The following MAGEB10 variants were observed in gnomAD, a reference collection of about 807,000 sequenced individuals.
The protein encoded by MAGEB10 is MAGE family member B10.
For missense variants in MAGEB10, 190 were observed against 261.9 expected, an observed-to-expected ratio of 0.73 and a Z score of 1.89; for synonymous variants, 99 against 101.0, an observed-to-expected ratio of 0.98 and a Z score of 0.12.
chrX:27,810,128 C>G (rs911938518), intron 1 of MAGEB10, among the ~76,000 whole-genome samples: 1 of 111,473 alleles, frequency 9.0e-6, no homozygotes, highest in African/African-American at 3.3e-5. Context: ...CCCGAGCCAG[C>G]CTTGGCAACC....
At chrX:27,812,383 T>C in intron 1 of MAGEB10, 1 of 133,749 alleles carries the variant, frequency 7.5e-6, no homozygotes, top group Non-Finnish European at 1.5e-5. Flanking sequence ...GGCCTTGACG[T>C]GAGAGAAGTG....
chrX:27,822,666 G>T lies in MAGEB10; in HGVS notation c.*316G>T. 1 of 253,369 alleles carries T rather than the reference G, an allele frequency of 3.9e-6. No homozygotes were observed. The highest frequency in any genetic ancestry group is 7.3e-6 in the Non-Finnish European group (1 of 136,477). The allele number at this position is 253,369 out of a possible 1,213,427, so 20.9% of individuals were successfully genotyped here. ...ACACGATAGCATGGTAGTAAATTAG[G>T]CATTTCCTAATTCAATGTGAAATAA... is the stretch of plus-strand genomic sequence containing the variant. On this transcript the variant is annotated 3_prime_UTR_variant, in exon 3 of 3. Coordinates refer to ENST00000356790, the MANE Select transcript of MAGEB10 (RefSeq NM_182506.3).
chrX:27,822,007 A>T lies in MAGEB10; in HGVS notation c.701A>T (p.Asp234Val), dbSNP rs202062568. The T allele has an allele frequency of 2.7e-5, 33 of 1,210,124 alleles. No homozygotes were observed. The Admixed American group carries it at 6.8e-4, about 25-fold the overall frequency. Residue 234 changes from aspartate (D) to valine (V), a missense_variant, in exon 3 of 3, where the codon GAC becomes GTC. Transcript: ENST00000356790. ...WKVFNTMGLYDGIEHFMFGEP... is the reference protein window; with the variant it reads ...WKVFNTMGLYVGIEHFMFGEP... ...GTGTTTAACACGATGGGGTTATATG[A>T]CGGAATTGAGCACTTCATGTTTGGG...
intron 2 of MAGEB10, among the ~76,000 whole-genome samples, chrX:27,819,221 C>T (rs1923839391): frequency 9.1e-6 from 1 of 110,194 alleles, no homozygotes; most frequent in South Asian, 3.9e-4. Flanking sequence ...AGGAGTCGTC[C>T]CAGGCCCCCC....
chrX:27,811,768 C>A (rs886918261), intron 1 of MAGEB10: 6 of 113,755 alleles, frequency 5.3e-5, no homozygotes, highest in Admixed American at 1.9e-4. Context: ...ACAGAAGCAA[C>A]TTCCATAAAG....
intron 1 of MAGEB10, among the ~76,000 whole-genome samples, chrX:27,815,791 C>A (rs781527326): frequency 2.7e-5 from 3 of 111,701 alleles, no homozygotes; most frequent in Non-Finnish European, 5.6e-5. Context: ...ATTAGATCAC[C>A]CTTCTGTAGG....
rs762250216 is a variant in MAGEB10, at chrX:27,821,422, C to T, written c.116C>T (p.Pro39Leu). The T allele has an allele frequency of 1.7e-5, 21 of 1,211,131 alleles. No individual in the cohort carries two copies. The highest frequency in any genetic ancestry group is 2.0e-5 in the Non-Finnish European group (18 of 895,151). Reference sequence around the variant, plus strand: ...ATTTTAGAAGAGGAGGAAGAATCTCCCCCCTCTGCCTCTGCTTGTTTGAAG... The same window carrying T: ...ATTTTAGAAGAGGAGGAAGAATCTCTCCCCTCTGCCTCTGCTTGTTTGAAG... ...LDILEEEEES[P>L]PSASACLKDV... Residue 39 changes from proline (P) to leucine (L), a missense_variant, in exon 3 of 3, where the codon CCC becomes CTC. Transcript: ENST00000356790.
intron 1 of MAGEB10, among the ~76,000 whole-genome samples, chrX:27,810,979 G>A (rs981999659): frequency 5.6e-5 from 6 of 107,696 alleles, no homozygotes; most frequent in Non-Finnish European, 7.7e-5. Flanking sequence ...CATTCTGAAC[G>A]CACCCCACCC....
intron 1 of MAGEB10, among the ~76,000 whole-genome samples, chrX:27,816,212 T>G (rs988550406): frequency 2.7e-5 from 3 of 110,835 alleles, no homozygotes; most frequent in African/African-American, 9.8e-5. Context: ...TCCAGTGTAA[T>G]CTCTCTATTT....
At chrX:27,814,545 C>T (rs778064134) in intron 1 of MAGEB10, among the ~76,000 whole-genome samples, 4 of 111,906 alleles carry the variant, frequency 3.6e-5, no homozygotes, top group Non-Finnish European at 7.5e-5. Context: ...TGCATATTTT[C>T]GGACATCTCT....
intron 1 of MAGEB10, among the ~76,000 whole-genome samples, chrX:27,810,503 G>A (rs1330078373): frequency 1.8e-5 from 2 of 111,590 alleles, no homozygotes; most frequent in African/African-American, 6.5e-5. Context: ...CCATAAAGAT[G>A]GCGGCCTTAG....
intron 2 of MAGEB10, among the ~76,000 whole-genome samples, chrX:27,820,283 G>T (rs1262998517): frequency 8.9e-6 from 1 of 111,984 alleles, no homozygotes; most frequent in African/African-American, 3.3e-5. Flanking sequence ...GGTTTAGGTT[G>T]TCAGAGGAGC....
chrX:27,812,657 G>T, intron 1 of MAGEB10: 1 of 319,993 alleles, frequency 3.1e-6, no homozygotes, highest in Admixed American at 3.1e-5. Flanking sequence ...AGTACCTGGA[G>T]TATTGGGAAG....
chrX:27,822,297 A>AAGGTTAAGTC lies in MAGEB10; in HGVS notation c.991_992insAGGTTAAGTC (p.Thr331LysfsTer12). The AAGGTTAAGTC allele has an allele frequency of 8.3e-7, 1 of 1,211,577 alleles. No homozygotes were observed. The highest frequency in any genetic ancestry group is 1.7e-5 in the African/African-American group (1 of 57,902). ...TGCAGCCAAGGCTCGCGTTAGTGCC[A>AAGGTTAAGTC]CAGCCGGTGCACGTTCCAAGGTTAA... On this transcript the variant is annotated frameshift_variant, in exon 3 of 3. Transcript: ENST00000356790. LOFTEE classifies it low-confidence loss of function (END_TRUNC).
At chrX:27,819,230 C>T (rs901979974) in intron 2 of MAGEB10, among the ~76,000 whole-genome samples, 4 of 110,254 alleles carry the variant, frequency 3.6e-5, no homozygotes, top group African/African-American at 1.3e-4. Flanking sequence ...CCCAGGCCCC[C>T]CAGAGTCAAT....
At chrX:27,817,807 G>C (rs771759427) in intron 2 of MAGEB10, 105 bp downstream of exon 2, 7 of 111,805 alleles carry the variant, frequency 6.3e-5, no homozygotes, top group Non-Finnish European at 1.3e-4. Flanking sequence ...GAGAAGAAAG[G>C]ATTTACTCAG....
chrX:27,812,252 C>A, intron 1 of MAGEB10: 1 of 163,438 alleles, frequency 6.1e-6, no homozygotes, highest in East Asian at 1.7e-4. Context: ...ACCTGCTGTA[C>A]AAATGTCAAA....
chrX:27,821,517 A>G lies in MAGEB10; in HGVS notation c.211A>G (p.Ser71Gly), dbSNP rs766950632. 4 of 1,209,334 alleles carry G rather than the reference A, an allele frequency of 3.3e-6. No homozygotes were observed. The East Asian group carries it at 8.9e-5, about 27-fold the overall frequency. The part of the protein sequence containing the change: ...PHGLREAQST[S>G]TSATAASHTR... ...TGGACTTCGGGAAGCCCAATCCACC[A>G]GCACATCTGCTACAGCTGCTTCACA... Residue 71 changes from serine (S) to glycine (G), a missense_variant, in exon 3 of 3, where the codon AGC becomes GGC. Ser to Gly is a moderately conservative substitution (Grantham distance 56, BLOSUM62 0). Transcript: ENST00000356790.
chrX:27,819,555 G>A (rs188720434), intron 2 of MAGEB10, among the ~76,000 whole-genome samples: 1 of 111,634 alleles, frequency 9.0e-6, no homozygotes, highest in African/African-American at 3.3e-5. Context: ...TCCCAGCCCT[G>A]TGTAAGCCCT....
Sources: gnomAD v4.1 joint callset for allele counts (sites outside exome capture counted in the v4.1 genomes callset) on GRCh38, gnomAD v4.1.1 for gene constraint, MANE v1.5 for transcripts, NCBI Gene and HGNC (gene_info 2026-07-23, HGNC 2026-07-21) for gene names.